ARHGEF28: variants seen among roughly 807,000 people sequenced by gnomAD.
ARHGEF28 encodes the protein 190 kDa guanine nucleotide exchange factor.
Under a neutral mutation model 206.6 loss-of-function variants are expected in ARHGEF28, and 152 were observed. That is an observed-to-expected ratio of 0.74 (90% confidence interval 0.64 to 0.84). ARHGEF28 has a LOEUF of 0.84. Among genes scored for constraint, ARHGEF28 ranks in the 40% least tolerant of loss-of-function variants. The pLI is 0.00. For synonymous variants in ARHGEF28, 763 were observed against 776.4 expected (o/e 0.98, Z 0.29); for missense variants, 2,028 against 2,073.2 (o/e 0.98, Z 0.42).
intron 9 of ARHGEF28, 72 bp from the exon 10 acceptor site, chr5:73,832,266 A>C: frequency 6.4e-7 from 1 of 1,554,678 alleles, no homozygotes; most frequent in Non-Finnish European, 8.7e-7. Flanking sequence ...CTTATGGTCT[A>C]AGAAGGTAAA....
chr5:73,938,570 G>T (rs182298265), intron 35 of ARHGEF28, among the ~76,000 whole-genome samples: 191 of 152,286 alleles, frequency 1.3e-3, no homozygotes, highest in African/African-American at 4.3e-3. Context: ...CAGGACTGTT[G>T]TGGCTTTGGT....
At chr5:73,688,067 T>C (rs1304702197) in intron 2 of ARHGEF28, among the ~76,000 whole-genome samples, 1 of 152,222 alleles carries the variant, frequency 6.6e-6, no homozygotes, top group Non-Finnish European at 1.5e-5. Context: ...ATCCTCTCCA[T>C]TGGAATTTGT....
At chr5:73,738,466 TATTTA>T (rs1243936327) in intron 2 of ARHGEF28, among the ~76,000 whole-genome samples, 1 of 151,446 alleles carries the variant, frequency 6.6e-6, no homozygotes, top group Non-Finnish European at 1.5e-5. Context: ...TTAGCACTCT[TATTTA>T]AGAGTGGCCT....
chr5:73,715,168 G>A (rs1187405048), intron 2 of ARHGEF28, among the ~76,000 whole-genome samples: 1 of 152,172 alleles, frequency 6.6e-6, no homozygotes, highest in Admixed American at 6.5e-5. Context: ...CGAGGTGGCT[G>A]GAAACCAAGC....
rs769238343 is a variant in ARHGEF28 at position 73,840,774 on chromosome 5, T to C, written c.1427+14T>C. 1 of 1,596,942 alleles carries C rather than the reference T, an allele frequency of 6.3e-7. No homozygotes were observed. Among genetic ancestry groups the C allele is most frequent in the South Asian group, 1.1e-5 (1 of 88,224 alleles). Reference sequence around the variant, plus strand: ...AAAGAAAAGAAGGTAAGAGTCTATATTGTAGAGGAAAACTGTAGAACATCA... The same window carrying C: ...AAAGAAAAGAAGGTAAGAGTCTATACTGTAGAGGAAAACTGTAGAACATCA... On this transcript the variant is annotated intron_variant, in intron 11 of 35. Transcript: ENST00000513042.
intron 2 of ARHGEF28, among the ~76,000 whole-genome samples, chr5:73,725,541 T>C (rs1251436766): frequency 6.6e-6 from 1 of 152,254 alleles, no homozygotes; most frequent in Non-Finnish European, 1.5e-5. Flanking sequence ...AAATAATTTA[T>C]ACTAATCTTC....
At chr5:73,900,157 A>G (rs1762177972) in intron 30 of ARHGEF28, 1 of 152,224 alleles carries the variant, frequency 6.6e-6, no homozygotes, top group Non-Finnish European at 1.5e-5. Context: ...TTTGTATTAG[A>G]AGAGGTCTTT....
At chr5:73,921,887 G>A (rs753110792) in intron 35 of ARHGEF28, among the ~76,000 whole-genome samples, 2 of 152,178 alleles carry the variant, frequency 1.3e-5, no homozygotes, top group Non-Finnish European at 2.9e-5. Context: ...TCCTACCAGT[G>A]ATCTCGGCAC....
At chr5:73,751,253 T>A (rs1436276754) in intron 3 of ARHGEF28, among the ~76,000 whole-genome samples, 1 of 152,062 alleles carries the variant, frequency 6.6e-6, no homozygotes, top group Non-Finnish European at 1.5e-5. Context: ...CTATTACAAA[T>A]ATAAAAATTA....
At chr5:73,632,303 T>C (rs1186459839) in intron 1 of ARHGEF28, among the ~76,000 whole-genome samples, 3 of 152,204 alleles carry the variant, frequency 2.0e-5, no homozygotes, top group Non-Finnish European at 4.4e-5. Flanking sequence ...GAGGAAACTG[T>C]ATCAACCTGC....
At chr5:73,779,098 G>A (rs991838349) in intron 6 of ARHGEF28, among the ~76,000 whole-genome samples, 1 of 152,234 alleles carries the variant, frequency 6.6e-6, no homozygotes, top group Admixed American at 6.5e-5. Flanking sequence ...GGTGAACCCA[G>A]TCAGAAGCCA....
Position 73,867,994 on chromosome 5 carries a change from A to C in ARHGEF28, c.2271A>C (p.Arg757Ser). 1 of 1,613,938 alleles carries C rather than the reference A, an allele frequency of 6.2e-7. No homozygotes were observed. The highest frequency in any genetic ancestry group is 8.5e-7 in the Non-Finnish European group (1 of 1,179,866). Reference protein sequence around the residue: ...ETVGQVHPLSRSVPGTTLESF... With the variant: ...ETVGQVHPLSSSVPGTTLESF... ...TGGGACAGGTCCATCCATTGTCCAGAAGTGTTCCAGGCACCACCTTGGAAA... is the reference window on the plus strand; with the variant it reads ...TGGGACAGGTCCATCCATTGTCCAGCAGTGTTCCAGGCACCACCTTGGAAA... The change falls in exon 19 of 36, where the codon AGA (arginine) becomes AGC (serine). Residue 757 changes from arginine to serine, a missense_variant. By Grantham distance (110) the Arg-to-Ser change is moderately radical. Around this residue, in one of 3 missense-constraint regions of ARHGEF28, gnomAD observed 1,002 missense variants for 1,015.3 expected, o/e 0.99. Transcript: ENST00000513042.
intron 18 of ARHGEF28, 22 bp downstream of exon 18, chr5:73,866,035 A>C (rs1759683593): frequency 2.6e-6 from 4 of 1,568,224 alleles, no homozygotes; most frequent in Non-Finnish European, 3.5e-6. Context: ...AGAAAACGAC[A>C]AGAACTTTTA....
rs423333 is a variant in ARHGEF28 at position 73,923,129 on chromosome 5, C to T, written c.4948+11554C>T. 0.2 allele frequency: 305,572 copies of T among 1,534,866 alleles called. 36,510 individuals carry two copies. Among genetic ancestry groups the T allele is most frequent in the African/African-American group, 0.51 (37,107 of 72,940 alleles). ...TGCAGTTGTACGTTGACATCTCCCC[C>T]GGGACTGTGGACTGGAACCACATCT... On this transcript the variant is annotated intron_variant, in intron 35 of 35. Transcript: ENST00000513042.
At chr5:73,744,707 T>G (rs574710993) in intron 2 of ARHGEF28, among the ~76,000 whole-genome samples, 23 of 152,174 alleles carry the variant, frequency 1.5e-4, no homozygotes, top group African/African-American at 4.6e-4. Flanking sequence ...TTATTATGCT[T>G]CTTTCCCTAA....
chr5:73,800,405 T>G (rs1290137411), intron 9 of ARHGEF28, among the ~76,000 whole-genome samples: 1 of 152,236 alleles, frequency 6.6e-6, no homozygotes, highest in Non-Finnish European at 1.5e-5. Flanking sequence ...CCCCTTTTTA[T>G]AATATGTATT....
chr5:73,766,540 C>T (rs1752908169), intron 4 of ARHGEF28, among the ~76,000 whole-genome samples: 1 of 152,148 alleles, frequency 6.6e-6, no homozygotes, highest in Non-Finnish European at 1.5e-5. Context: ...TTTTGCTAAC[C>T]ACTTATTAAT....
At chr5:73,647,579 A>T (rs1744513637) in intron 1 of ARHGEF28, among the ~76,000 whole-genome samples, 1 of 152,248 alleles carries the variant, frequency 6.6e-6, no homozygotes, top group Non-Finnish European at 1.5e-5. Context: ...AAAGTAATCC[A>T]GTATTTTTAA....
At chr5:73,708,602 T>C (rs938682189) in intron 2 of ARHGEF28, among the ~76,000 whole-genome samples, 4 of 152,216 alleles carry the variant, frequency 2.6e-5, no homozygotes, top group African/African-American at 9.6e-5. Context: ...CTTTATTCAC[T>C]CTACCATTGA....
Sources: gnomAD v4.1 joint callset for allele counts (sites outside exome capture counted in the v4.1 genomes callset) on GRCh38, gnomAD v4.1.1 for gene constraint, gnomAD v4.1.1 regional missense constraint, MANE v1.5 for transcripts, NCBI Gene and HGNC (gene_info 2026-07-23, HGNC 2026-07-21) for gene names.